AGAP1: variants seen among roughly 807,000 people sequenced by gnomAD.
The protein encoded by AGAP1 is arf-GAP with GTPase, ANK repeat and PH domain-containing protein 1.
Under a neutral mutation model 105.3 loss-of-function variants are expected in AGAP1, and 29 were observed. That is an observed-to-expected ratio of 0.28 (90% CI 0.21 to 0.38). AGAP1 has a LOEUF of 0.38. Among genes scored for constraint, AGAP1 ranks in the 10% least tolerant of loss-of-function variants. AGAP1 has a pLI of 1.00. For missense variants in AGAP1, 998 were observed against 1,165.1 expected (o/e 0.86, Z 2.09); for synonymous variants, 509 against 485.9 (o/e 1.05, Z -0.63).
intron 8 of AGAP1, among the ~76,000 whole-genome samples, chr2:235,805,661 G>T (rs1220812215): frequency 6.6e-6 from 1 of 152,044 alleles, no homozygotes; most frequent in African/African-American, 2.4e-5. Flanking sequence ...AGAATTTAAG[G>T]CTATTGTGTA....
chr2:235,708,395 G>A (rs1010235183), intron 1 of AGAP1, among the ~76,000 whole-genome samples: 1 of 152,132 alleles, frequency 6.6e-6, no homozygotes, highest in African/African-American at 2.4e-5. Flanking sequence ...TGGAAAACTG[G>A]GTTGCAGGTA....
Position 235,662,624 on chromosome 2 carries a change from A to G in AGAP1, c.164-46555A>G, listed in dbSNP as rs1449897525. Reference sequence around the variant, plus strand: ...TGGGTTCAAGCGATTTTTCTGCCTCAGCCTCCCAAGTAGCTGGGATTACAG... The same window carrying G: ...TGGGTTCAAGCGATTTTTCTGCCTCGGCCTCCCAAGTAGCTGGGATTACAG... On this transcript the variant is annotated intron_variant, in intron 1 of 17. Transcript: ENST00000304032. The surrounding 1 kb of genome is among the most constrained non-coding windows in gnomAD (Gnocchi z 4.2). Among the ~76,000 whole-genome samples, 2 of 150,754 alleles carry G rather than the reference A, an allele frequency of 1.3e-5. No homozygotes were observed. The highest frequency in any genetic ancestry group is 4.9e-5 in the African/African-American group (2 of 40,878).
intron 11 of AGAP1, among the ~76,000 whole-genome samples, chr2:235,923,455 C>G (rs1015592802): frequency 6.6e-6 from 1 of 152,202 alleles, no homozygotes; most frequent in African/African-American, 2.4e-5. Flanking sequence ...GGCCGCCACT[C>G]ACATCCAGAA....
intron 9 of AGAP1, among the ~76,000 whole-genome samples, chr2:235,840,236 G>GCATTCTGATGGCTTCAGCCGCTGTC (rs879708363): frequency 6.6e-6 from 1 of 152,174 alleles, no homozygotes; most frequent in African/African-American, 2.4e-5. Context: ...CAGCCTCTGT[G>GCATTCTGATGGCTTCAGCCGCTGTC]CATTCTGATG....
At chr2:235,554,010 G>A (rs1202903969) in intron 1 of AGAP1, among the ~76,000 whole-genome samples, 1 of 152,168 alleles carries the variant, frequency 6.6e-6, no homozygotes, top group Non-Finnish European at 1.5e-5. Flanking sequence ...CTCACCTCTG[G>A]CCAGAAATTT....
intron 12 of AGAP1, among the ~76,000 whole-genome samples, chr2:235,956,446 C>G (rs895088591): frequency 6.6e-6 from 1 of 152,160 alleles, no homozygotes; most frequent in Non-Finnish European, 1.5e-5. Context: ...CTTGGCCACT[C>G]TGTGTTCCTT....
At chr2:235,786,493 T>C (rs1489269054) in intron 6 of AGAP1, among the ~76,000 whole-genome samples, 1 of 152,238 alleles carries the variant, frequency 6.6e-6, no homozygotes, top group Non-Finnish European at 1.5e-5. Context: ...TTCTGCCTAC[T>C]TGTTTTTGAT....
chr2:236,033,441 A>G (rs1330082385), intron 13 of AGAP1, among the ~76,000 whole-genome samples: 1 of 152,218 alleles, frequency 6.6e-6, no homozygotes, highest in Non-Finnish European at 1.5e-5. Context: ...CGCTTTAGCA[A>G]TTTAATTTGC....
chr2:235,783,022 T>TTGTGTGTGTG (rs112987473), intron 6 of AGAP1, among the ~76,000 whole-genome samples: 70 of 141,288 alleles, frequency 5.0e-4, no homozygotes, highest in South Asian at 8.9e-4. Flanking sequence ...CGGCAGGAGA[T>TTGTGTGTGTG]TGTGTGTGTG....
At chr2:235,991,563 G>T (rs28646260) in intron 13 of AGAP1, among the ~76,000 whole-genome samples, 216 of 152,252 alleles carry the variant, frequency 1.4e-3, no homozygotes, top group African/African-American at 4.9e-3. Flanking sequence ...GAAAGAAAAT[G>T]GTTTTTTAAA....
At position 235,977,221 on chromosome 2, in the gene AGAP1, C is replaced by T. The variant is rs989738998; in HGVS notation, c.1645+8598C>T. 6.6e-6 allele frequency among the ~76,000 whole-genome samples: 1 copy of T among 151,858 alleles called. No homozygotes were observed. Among genetic ancestry groups the T allele is most frequent in the Non-Finnish European group, 1.5e-5 (1 of 68,000 alleles). On this transcript the variant is annotated intron_variant, in intron 13 of 17. Transcript: ENST00000304032. The surrounding 1 kb of genome is among the most constrained non-coding windows in gnomAD (Gnocchi z 5.2). ...CTAGCTTGGGAGACCCTGCATTGGT[C>T]GACTTTCATTAGAATCTAGGATCTG...
intron 1 of AGAP1, among the ~76,000 whole-genome samples, chr2:235,624,085 A>G (rs1946565416): frequency 6.6e-6 from 1 of 152,264 alleles, no homozygotes; most frequent in African/African-American, 2.4e-5. Flanking sequence ...CCACCGTTGC[A>G]AGTGAGACTT....
intron 1 of AGAP1, among the ~76,000 whole-genome samples, chr2:235,512,363 G>A (rs1458713576): frequency 6.6e-6 from 1 of 152,204 alleles, no homozygotes; most frequent in Non-Finnish European, 1.5e-5. Flanking sequence ...TTGGGAGACC[G>A]AAGTGGGAGG....
At position 235,882,332 on chromosome 2, in the gene AGAP1, G is replaced by A; in HGVS notation, c.1051-1013G>A. 1 of 1,033,180 alleles carries A rather than the reference G, an allele frequency of 9.7e-7. No homozygotes were observed. Among genetic ancestry groups the A allele is most frequent in the Non-Finnish European group, 1.4e-6 (1 of 697,490 alleles). The allele number at this position is 1,033,180 out of a possible 1,614,324, so 64.0% of individuals were successfully genotyped here. ...TCCACATCACAACTGGGGTCTTAAGGATGACGAGGGCAGGAAATCCTCCGG... is the reference window on the plus strand; with the variant it reads ...TCCACATCACAACTGGGGTCTTAAGAATGACGAGGGCAGGAAATCCTCCGG... On this transcript the variant is annotated intron_variant, in intron 9 of 17. Transcript: ENST00000304032. The surrounding 1 kb of genome is among the most constrained non-coding windows in gnomAD (Gnocchi z 4.6).
chr2:236,069,302 AATAT>A (rs1267438546), intron 16 of AGAP1, among the ~76,000 whole-genome samples: 1 of 152,198 alleles, frequency 6.6e-6, no homozygotes, highest in East Asian at 1.9e-4. Flanking sequence ...TGTATAATTG[AATAT>A]ATATCATAAA....
At chr2:236,019,865 C>G (rs1225362367) in intron 13 of AGAP1, among the ~76,000 whole-genome samples, 6 of 152,192 alleles carry the variant, frequency 3.9e-5, no homozygotes, top group Admixed American at 6.5e-5. Context: ...TGATCAAGGC[C>G]CCCGCCAAAT....
intron 5 of AGAP1, among the ~76,000 whole-genome samples, chr2:235,749,263 C>T (rs1244845614): frequency 6.6e-6 from 1 of 151,976 alleles, no homozygotes; most frequent in Non-Finnish European, 1.5e-5. Flanking sequence ...CCTCCCTAAG[C>T]CCTGTGGCTG....
Position 236,061,091 on chromosome 2 carries a change from G to T in AGAP1, c.2114+11810G>T, listed in dbSNP as rs1158687932. 1.3e-5 allele frequency among the ~76,000 whole-genome samples: 2 copies of T among 152,120 alleles called. No homozygotes were observed. The highest frequency in any genetic ancestry group is 2.9e-5 in the Non-Finnish European group (2 of 68,020). ...AATAAAATAAGTAAAAAATAAAAAT[G>T]GGCTAAGACTCTAAATAGACATTTC... On this transcript the variant is annotated intron_variant, in intron 16 of 17. Coordinates refer to ENST00000304032, the MANE Select transcript of AGAP1 (RefSeq NM_001037131.3). This position sits in a 1 kb window ranked among gnomAD's most constrained non-coding sequence, Gnocchi z 4.1.
rs528235674 is a variant in AGAP1, at chr2:235,537,383, C to T, written c.163+42534C>T. Among the ~76,000 whole-genome samples, 7 of 152,216 alleles carry T rather than the reference C, an allele frequency of 4.6e-5. No homozygotes were observed. The South Asian group carries it at 6.2e-4, about 14-fold the overall frequency. On this transcript the variant is annotated intron_variant, in intron 1 of 17. Coordinates refer to ENST00000304032, the MANE Select transcript of AGAP1 (RefSeq NM_001037131.3). ...CACAGAGCTTGAGGGAGAGGGCTGG[C>T]GTCAGCTCAGGGAAGCAGGGAGGCC...
Sources: gnomAD v4.1 joint callset for allele counts (sites outside exome capture counted in the v4.1 genomes callset) on GRCh38, gnomAD v4.1.1 for gene constraint, Gnocchi (gnomAD v3.1) non-coding constraint, MANE v1.5 for transcripts, NCBI Gene and HGNC (gene_info 2026-07-23, HGNC 2026-07-21) for gene names.